Variants in LARP4 observed in about 807,000 individuals in gnomAD.
LARP4 encodes la-related protein 4.
In LARP4, 29 loss-of-function variants were observed where a neutral mutation model predicts 92.9. The observed-to-expected ratio is 0.31, with a 90% CI of 0.23 to 0.43. The LOEUF (loss-of-function observed/expected upper bound fraction) is 0.43, where lower values mean the gene tolerates loss of function less well. Ranked by LOEUF, LARP4 falls within the 20% of genes least tolerant of loss-of-function variation. The probability of loss-of-function intolerance (pLI) is 1.00; values close to 1 mark genes in which losing one functional copy is unlikely to be tolerated. For synonymous variants in LARP4, 279 were observed against 284.1 expected (o/e 0.98, Z 0.18); for missense variants, 732 against 860.0 (o/e 0.85, Z 1.86).
chr12:50,417,883 G>A (rs991252259), intron 1 of LARP4, among the ~76,000 whole-genome samples: 7 of 151,778 alleles, frequency 4.6e-5, no homozygotes, highest in East Asian at 1.9e-4. Context: ...GTTTTGAGAC[G>A]GAGTTTCACT....
chr12:50,420,858 C>G (rs565681068), intron 1 of LARP4: 1 of 150,888 alleles, frequency 6.6e-6, no homozygotes, highest in South Asian at 2.1e-4. Flanking sequence ...GGTCAACATT[C>G]ATCATGTAAA....
chr12:50,461,062 T>C (rs1955290615), intron 10 of LARP4, 73 bp from the exon 11 acceptor site: 1 of 1,311,848 alleles, frequency 7.6e-7, no homozygotes, highest in African/African-American at 1.5e-5. Context: ...CAGGAGCCAA[T>C]TTTTTACCTA....
chr12:50,460,019 C>T (rs1955071466), intron 10 of LARP4, among the ~76,000 whole-genome samples: 2 of 151,798 alleles, frequency 1.3e-5, no homozygotes, highest in Admixed American at 6.6e-5. Context: ...GCCTGTAGTC[C>T]AGCTACTTGG....
chr12:50,461,095 G>T lies in LARP4; in HGVS notation c.1122-40G>T, dbSNP rs199951465. 9.1e-5 allele frequency: 140 copies of T among 1,539,964 alleles called. 1 individual carries two copies. The South Asian group carries it at 1.5e-3, about 16-fold the overall frequency. ...CTAAGGAAAGATGTTTTTCTGTCTC[G>T]ATTTACTGCTTTGTGTATATCATTT... On this transcript the variant is annotated intron_variant, in intron 10 of 15. Coordinates refer to ENST00000398473, the MANE Select transcript of LARP4 (RefSeq NM_052879.5).
At chr12:50,470,132 G>A (rs1956750046) in intron 13 of LARP4, among the ~76,000 whole-genome samples, 1 of 151,544 alleles carries the variant, frequency 6.6e-6, no homozygotes, top group African/African-American at 2.4e-5. Context: ...GCTGAGACAA[G>A]AGGATTGCTT....
At chr12:50,452,393 G>A (rs1180915126) in intron 8 of LARP4, among the ~76,000 whole-genome samples, 1 of 152,024 alleles carries the variant, frequency 6.6e-6, no homozygotes, top group African/African-American at 2.4e-5. Flanking sequence ...TTTTGGCCAG[G>A]CTGGTCTGGA....
chr12:50,471,856 AT>A (rs1245281794), intron 13 of LARP4, among the ~76,000 whole-genome samples: 1 of 151,820 alleles, frequency 6.6e-6, no homozygotes, highest in Non-Finnish European at 1.5e-5. Context: ...AGACTCATAT[AT>A]TTTTTTTACA....
intron 3 of LARP4, among the ~76,000 whole-genome samples, chr12:50,429,322 A>C (rs1949284446): frequency 6.6e-6 from 1 of 152,096 alleles, no homozygotes; most frequent in African/African-American, 2.4e-5. Context: ...ATTAAAGATA[A>C]CAGAAAAAAA....
At chr12:50,401,503 G>T (rs183757277) in intron 1 of LARP4, among the ~76,000 whole-genome samples, 1 of 152,316 alleles carries the variant, frequency 6.6e-6, no homozygotes, top group Admixed American at 6.5e-5. Context: ...AAAGAAAATT[G>T]AAAAGTTCTT....
chr12:50,426,030 T>G (rs560604936), intron 1 of LARP4, among the ~76,000 whole-genome samples: 2 of 152,190 alleles, frequency 1.3e-5, no homozygotes, highest in East Asian at 3.9e-4. Context: ...TTGCATCCGG[T>G]TCTGTACCTC....
At chr12:50,451,209 T>G (rs2138171154) in intron 8 of LARP4, among the ~76,000 whole-genome samples, 1 of 152,286 alleles carries the variant, frequency 6.6e-6, no homozygotes, top group East Asian at 1.9e-4. Context: ...ATGAAACATT[T>G]CCCCAGTCCC....
intron 8 of LARP4, 54 bp downstream of exon 8, chr12:50,441,697 G>C: frequency 7.7e-7 from 1 of 1,290,990 alleles, no homozygotes; most frequent in Non-Finnish European, 1.1e-6. Context: ...CTCTGTATGA[G>C]AATTTAAAAA....
intron 1 of LARP4, among the ~76,000 whole-genome samples, chr12:50,410,470 A>G (rs576896462): frequency 1.2e-3 from 177 of 150,956 alleles, no homozygotes; most frequent in African/African-American, 4.1e-3. Context: ...CAGTAGTGCA[A>G]TCTCTGCTCA....
intron 8 of LARP4, 80 bp from the exon 9 acceptor site, chr12:50,453,378 AAT>A (rs773540844): frequency 6.2e-6 from 5 of 808,014 alleles, no homozygotes; most frequent in Non-Finnish European, 8.0e-6. Flanking sequence ...AGTCATGTAA[AAT>A]ATATGTTAAA....
intron 13 of LARP4, among the ~76,000 whole-genome samples, chr12:50,470,322 T>G (rs1199374681): frequency 6.6e-6 from 1 of 152,222 alleles, no homozygotes; most frequent in East Asian, 1.9e-4. Context: ...AGTGGTTTTA[T>G]TTTTATTTTT....
At chr12:50,457,426 C>T (rs962237216) in intron 10 of LARP4, among the ~76,000 whole-genome samples, 1 of 152,026 alleles carries the variant, frequency 6.6e-6, no homozygotes, top group Non-Finnish European at 1.5e-5. Flanking sequence ...AGGCTGGTCT[C>T]GAACTCCTGA....
chr12:50,424,783 A>G (rs550650966), intron 1 of LARP4, among the ~76,000 whole-genome samples: 4 of 152,342 alleles, frequency 2.6e-5, no homozygotes, highest in South Asian at 4.1e-4. Flanking sequence ...AAAAGTTCAT[A>G]TTAGAGCTGT....
intron 1 of LARP4, among the ~76,000 whole-genome samples, chr12:50,414,560 C>G (rs1946446579): frequency 1.3e-5 from 2 of 152,228 alleles, no homozygotes; most frequent in African/African-American, 4.8e-5. Flanking sequence ...GCCTCAGCCT[C>G]CAGAAGTGCT....
At chr12:50,423,134 A>T (rs1948121070) in intron 1 of LARP4, among the ~76,000 whole-genome samples, 1 of 151,960 alleles carries the variant, frequency 6.6e-6, no homozygotes, top group South Asian at 2.1e-4. Flanking sequence ...AATTATTCTT[A>T]AGGGCTTTGC....
Sources: gnomAD v4.1 joint callset for allele counts (sites outside exome capture counted in the v4.1 genomes callset) on GRCh38, gnomAD v4.1.1 for gene constraint, MANE v1.5 for transcripts, NCBI Gene and HGNC (gene_info 2026-07-23, HGNC 2026-07-21) for gene names.